The following ROBO2 variants were observed in gnomAD, a reference collection of about 807,000 sequenced individuals.
ROBO2 encodes roundabout guidance receptor 2.
A neutral mutation model predicts 160.8 loss-of-function variants in ROBO2; 53 were observed. That is an observed-to-expected ratio of 0.33 (90% confidence interval 0.26 to 0.41). The LOEUF (loss-of-function observed/expected upper bound fraction) is 0.41. ROBO2 is among the 10% of genes least tolerant of loss of function. The pLI is 1.00. For missense variants in ROBO2, 1,577 were observed against 1,722.4 expected (o/e 0.92, Z 1.49); for synonymous variants, 664 against 611.7 (o/e 1.09, Z -1.26).
intron 2 of ROBO2, among the ~76,000 whole-genome samples, chr3:76,511,710 G>A (rs762871571): frequency 3.3e-5 from 5 of 152,100 alleles, no homozygotes; most frequent in Non-Finnish European, 5.9e-5. Flanking sequence ...TACAACCTCT[G>A]GCCTGCCTTT....
chr3:76,618,810 T>C lies in ROBO2; in HGVS notation c.110-479204T>C, dbSNP rs77360594. Among the ~76,000 whole-genome samples, 1,235 of 150,270 alleles carry C rather than the reference T, an allele frequency of 8.2e-3. 48 individuals are homozygous for C. Among genetic ancestry groups the C allele is most frequent in the African/African-American group, 0.029 (1,170 of 39,778 alleles). ...CACTAGATAGCTTTTCCAGTGTAAA[T>C]AATGTTTCAAATAGCATTCGTTTTT... On this transcript the variant is annotated intron_variant, in intron 2 of 26. Coordinates refer to the ROBO2 transcript ENST00000487694.
chr3:76,261,572 A>G (rs923499487), intron 2 of ROBO2, among the ~76,000 whole-genome samples: 5 of 152,078 alleles, frequency 3.3e-5, no homozygotes, highest in African/African-American at 1.2e-4. Flanking sequence ...TAAGGGATGA[A>G]ATACAATTTA....
intron 2 of ROBO2, among the ~76,000 whole-genome samples, chr3:76,536,019 C>T (rs1241710104): frequency 6.6e-6 from 1 of 152,124 alleles, no homozygotes; most frequent in African/African-American, 2.4e-5. Context: ...GTCTGATTTC[C>T]AGTGGGGTCC....
intron 2 of ROBO2, among the ~76,000 whole-genome samples, chr3:77,474,277 T>C (rs1340762180): frequency 1.3e-5 from 2 of 152,108 alleles, no homozygotes; most frequent in Non-Finnish European, 2.9e-5. Flanking sequence ...TGGTATACCA[T>C]AGCGGTGTTA....
intron 2 of ROBO2, among the ~76,000 whole-genome samples, chr3:76,188,829 T>C (rs1559624466): frequency 6.6e-6 from 1 of 152,068 alleles, no homozygotes; most frequent in Non-Finnish European, 1.5e-5. Context: ...CTGCCTAGTA[T>C]ACAGGCAATC....
At chr3:77,495,526 T>A in intron 5 of ROBO2, among the ~76,000 whole-genome samples, 1 of 152,170 alleles carries the variant, frequency 6.6e-6, no homozygotes, top group Non-Finnish European at 1.5e-5. Flanking sequence ...GACTTCTGCA[T>A]TTGTTCTCAT....
In ROBO2 at chr3:76,330,582, A is replaced by G. The variant is rs146564263; in HGVS notation, c.109+392980A>G. Among the ~76,000 whole-genome samples the G allele has an allele frequency of 1.8e-3, 278 of 152,326 alleles. 1 individual carries two copies. Among genetic ancestry groups the G allele is most frequent in the African/African-American group, 6.4e-3 (265 of 41,574 alleles). Reference sequence around the variant, plus strand: ...TTTAAAGTTTTAGAATCTAAATGCAATCCTCATTCTTATAACATTGGTTAA... The same window carrying G: ...TTTAAAGTTTTAGAATCTAAATGCAGTCCTCATTCTTATAACATTGGTTAA... On this transcript the variant is annotated intron_variant, in intron 2 of 26. Coordinates refer to the ROBO2 transcript ENST00000487694.
chr3:76,940,396 CA>C (rs2078100712), intron 2 of ROBO2, among the ~76,000 whole-genome samples: 1 of 152,192 alleles, frequency 6.6e-6, no homozygotes, highest in Non-Finnish European at 1.5e-5. Flanking sequence ...TTGTTATTCT[CA>C]AATATTTTTA....
chr3:77,228,339 A>G (rs2086738091), intron 2 of ROBO2, among the ~76,000 whole-genome samples: 4 of 151,836 alleles, frequency 2.6e-5, no homozygotes, highest in Admixed American at 2.0e-4. Context: ...TAATTTTTCT[A>G]TTTATTACAG....
intron 5 of ROBO2, among the ~76,000 whole-genome samples, 150 bp from the exon 6 acceptor site, chr3:77,522,620 TTAATC>T (rs751760975): frequency 3.3e-5 from 5 of 151,336 alleles, no homozygotes; most frequent in African/African-American, 7.3e-5. Flanking sequence ...AGCAATATCT[TTAATC>T]TAAGTAATTG....
At chr3:76,009,230 G>A (rs1367584382) in intron 2 of ROBO2, among the ~76,000 whole-genome samples, 1 of 152,162 alleles carries the variant, frequency 6.6e-6, no homozygotes, top group Non-Finnish European at 1.5e-5. Context: ...AGCCACCCGA[G>A]TAGCTGAGAC....
At chr3:76,253,128 A>G (rs146649409) in intron 2 of ROBO2, among the ~76,000 whole-genome samples, 1 of 152,094 alleles carries the variant, frequency 6.6e-6, no homozygotes, top group African/African-American at 2.4e-5. Flanking sequence ...AAGTTGACAC[A>G]TAATGCTATC....
intron 23 of ROBO2, chr3:77,632,964 T>C (rs1291785260): frequency 5.0e-6 from 1 of 200,606 alleles, no homozygotes; most frequent in East Asian, 1.1e-4. Context: ...AAATTTTCAA[T>C]AACACATTTT....
chr3:77,233,007 C>T (rs1408748575), intron 2 of ROBO2, among the ~76,000 whole-genome samples: 1 of 152,018 alleles, frequency 6.6e-6, no homozygotes, highest in Non-Finnish European at 1.5e-5. Context: ...AGCTTTAAAT[C>T]CAAGTTATTG....
intron 2 of ROBO2, among the ~76,000 whole-genome samples, chr3:76,141,060 C>CATATATTTATATATATATATATATATAT (rs1553656034): frequency 1.9e-5 from 1 of 53,578 alleles, no homozygotes; most frequent in African/African-American, 7.0e-5. Context: ...TTTTTACATA[C>CATATATTTATATATATATATATATATAT]ATATATATAT....
At chr3:77,465,945 G>A (rs115343865) in intron 2 of ROBO2, among the ~76,000 whole-genome samples, 16 of 152,120 alleles carry the variant, frequency 1.1e-4, no homozygotes, top group African/African-American at 3.9e-4. Flanking sequence ...ACTTGGATAT[G>A]CTCCTTGCTT....
chr3:76,415,600 T>C (rs958844990), intron 2 of ROBO2, among the ~76,000 whole-genome samples: 4 of 151,960 alleles, frequency 2.6e-5, no homozygotes, highest in African/African-American at 9.7e-5. Flanking sequence ...ACATAGTATT[T>C]ATACTGTGGT....
At position 76,276,898 on chromosome 3, in the gene ROBO2, A is replaced by G. The variant is rs192477713; in HGVS notation, c.109+339296A>G. ...TTTTTGGATTTTGGAATATTTGCAT[A>G]TACATAATGATATATCTTATCTCGG... is the stretch of plus-strand genomic sequence containing the variant. On this transcript the variant is annotated intron_variant, in intron 2 of 26. Coordinates refer to the ROBO2 transcript ENST00000487694. Among the ~76,000 whole-genome samples, 11 of 152,160 alleles carry G rather than the reference A, an allele frequency of 7.2e-5. No individual in the cohort carries two copies. The East Asian group carries it at 1.9e-3, about 27-fold the overall frequency.
At chr3:76,472,191 G>T (rs959575680) in intron 2 of ROBO2, among the ~76,000 whole-genome samples, 11 of 151,574 alleles carry the variant, frequency 7.3e-5, no homozygotes, top group African/African-American at 2.7e-4. Flanking sequence ...TATGCAATAT[G>T]TATTCAGCAA....
Sources: allele counts gnomAD v4.1 joint callset (sites outside exome capture counted in the v4.1 genomes callset), GRCh38; gene constraint gnomAD v4.1.1; transcripts MANE v1.5; gene names NCBI Gene and HGNC (gene_info 2026-07-23, HGNC 2026-07-21).